The following LCMT1 variants were observed in gnomAD, a reference collection of about 807,000 sequenced individuals.
LCMT1 encodes the protein leucine carboxyl methyltransferase 1, also known as [Phosphatase 2A protein]-leucine-carboxy methyltransferase 1.
LCMT1 carries 32 observed loss-of-function variants against 47.7 expected under a neutral mutation model. That is an observed-to-expected ratio of 0.67 (90% CI 0.51 to 0.90). LCMT1 has a LOEUF of 0.90. LCMT1 is among the 40% of genes least tolerant of loss of function. The pLI is 0.00. For missense variants in LCMT1, 375 were observed against 415.2 expected, an observed-to-expected ratio of 0.90 and a Z score of 0.84; for synonymous variants, 152 against 149.7, an observed-to-expected ratio of 1.02 and a Z score of -0.11.
intron 5 of LCMT1, among the ~76,000 whole-genome samples, chr16:25,155,424 A>G (rs1212166299): frequency 1.3e-5 from 2 of 151,974 alleles, no homozygotes; most frequent in African/African-American, 4.8e-5. Context: ...GTGCACGCCT[A>G]TAGTCCTAGC....
At position 25,119,988 on chromosome 16, in the gene LCMT1, G is replaced by A. The variant is rs139510419; in HGVS notation, c.113+7992G>A. Among the ~76,000 whole-genome samples the A allele has an allele frequency of 3.6e-4, 55 of 151,702 alleles. 1 individual carries two copies. The East Asian group carries it at 8.9e-3, about 25-fold the overall frequency. ...ATCCTGGCTAACACGGTGAAATCCC[G>A]TCTCTACTAAAAATACAAAAAACTA... is the stretch of plus-strand genomic sequence containing the variant. On this transcript the variant is annotated intron_variant, in intron 1 of 10. Coordinates refer to ENST00000399069, the MANE Select transcript of LCMT1 (RefSeq NM_016309.3).
chr16:25,168,216 T>G (rs941117734), intron 7 of LCMT1, among the ~76,000 whole-genome samples: 3 of 151,398 alleles, frequency 2.0e-5, no homozygotes, highest in African/African-American at 7.3e-5. Context: ...GCCTGGCTGA[T>G]TTTTGTATTT....
At chr16:25,135,284 A>AAAATAT (rs1555482753) in intron 3 of LCMT1, among the ~76,000 whole-genome samples, 1 of 140,610 alleles carries the variant, frequency 7.1e-6, no homozygotes, top group African/African-American at 2.5e-5. Flanking sequence ...TTTCTTTTAA[A>AAAATAT]ATATATATCT....
chr16:25,113,089 C>T lies in LCMT1; in HGVS notation c.113+1093C>T, dbSNP rs1205274305. Among the ~76,000 whole-genome samples, 3 of 125,124 alleles carry T rather than the reference C, an allele frequency of 2.4e-5. No individual in the cohort carries two copies. In the South Asian group the frequency reaches 7.8e-4, roughly 33 times the overall value. 82.1% of individuals were successfully genotyped at this position (125,124 alleles called of 152,430 possible). On this transcript the variant is annotated intron_variant, in intron 1 of 10. Transcript: ENST00000399069. ...CCGGGAGGCAGAGGTTGCAGTGAGC[C>T]AAGATCACGCTATTGCACTCCAACC... is the stretch of plus-strand genomic sequence containing the variant.
chr16:25,132,317 G>C, intron 2 of LCMT1, 85 bp from the exon 3 acceptor site: 2 of 1,509,070 alleles, frequency 1.3e-6, no homozygotes, highest in Non-Finnish European at 1.8e-6. Context: ...TCTCTGTTTT[G>C]CTCTTCTCCT....
At chr16:25,138,936 CT>C (rs1044425732) in intron 3 of LCMT1, among the ~76,000 whole-genome samples, 26 of 147,852 alleles carry the variant, frequency 1.8e-4, no homozygotes, top group Admixed American at 3.4e-4. Context: ...TTTCTCTTTT[CT>C]TTTTTTTTTT....
intron 10 of LCMT1, among the ~76,000 whole-genome samples, chr16:25,177,235 T>A (rs2141725545): frequency 6.6e-6 from 1 of 152,270 alleles, no homozygotes; most frequent in South Asian, 2.1e-4. Flanking sequence ...TCCTCTTAAT[T>A]ATATTAAAAA....
intron 1 of LCMT1, among the ~76,000 whole-genome samples, chr16:25,117,074 G>T (rs923821820): frequency 1.3e-5 from 2 of 152,112 alleles, no homozygotes; most frequent in Admixed American, 6.5e-5. Flanking sequence ...AGGTCCCAAG[G>T]AGTATGGGTT....
At chr16:25,144,732 T>G (rs1960798226) in intron 4 of LCMT1, 1 of 152,174 alleles carries the variant, frequency 6.6e-6, no homozygotes, top group South Asian at 2.1e-4. Context: ...GATGCTTCAC[T>G]AAACAGCAGG....
At chr16:25,134,032 TAAAAAAA>T (rs781659291) in intron 3 of LCMT1, among the ~76,000 whole-genome samples, 1 of 126,190 alleles carries the variant, frequency 7.9e-6, no homozygotes, top group Admixed American at 8.1e-5. Context: ...CTTCGTCTCT[TAAAAAAA>T]AAAAAAAAAA....
intron 4 of LCMT1, chr16:25,146,183 A>G (rs1275204819): frequency 6.6e-6 from 1 of 152,258 alleles, no homozygotes; most frequent in Admixed American, 6.5e-5. Context: ...ATTGGAGAGG[A>G]GGCAAATAGG....
chr16:25,153,710 T>C (rs1385075092), intron 5 of LCMT1, among the ~76,000 whole-genome samples: 1 of 152,108 alleles, frequency 6.6e-6, no homozygotes, highest in Non-Finnish European at 1.5e-5. Flanking sequence ...CCCAGCATTT[T>C]GGGAGGCCGA....
At chr16:25,126,433 C>T (rs1200007976) in intron 1 of LCMT1, among the ~76,000 whole-genome samples, 1 of 152,298 alleles carries the variant, frequency 6.6e-6, no homozygotes, top group Non-Finnish European at 1.5e-5. Flanking sequence ...GCCTTTTGGA[C>T]ACCTGACTCT....
At chr16:25,165,025 G>T (rs964986888) in intron 7 of LCMT1, among the ~76,000 whole-genome samples, 15 of 152,196 alleles carry the variant, frequency 9.9e-5, no homozygotes, top group Non-Finnish European at 1.9e-4. Flanking sequence ...GCATTTTGGG[G>T]TAGCAACTCA....
At chr16:25,113,779 G>A (rs1030332375) in intron 1 of LCMT1, among the ~76,000 whole-genome samples, 1 of 152,130 alleles carries the variant, frequency 6.6e-6, no homozygotes, top group Non-Finnish European at 1.5e-5. Flanking sequence ...GGGATCACAG[G>A]CACACACCAC....
At chr16:25,120,922 ATT>A (rs56817833) in intron 1 of LCMT1, among the ~76,000 whole-genome samples, 3 of 97,390 alleles carry the variant, frequency 3.1e-5, no homozygotes, top group Non-Finnish European at 4.2e-5. Flanking sequence ...CTGATTTTGT[ATT>A]TTTTTTTTTT....
At chr16:25,167,181 C>T (rs984010914) in intron 7 of LCMT1, among the ~76,000 whole-genome samples, 1 of 152,206 alleles carries the variant, frequency 6.6e-6, no homozygotes, top group African/African-American at 2.4e-5. Flanking sequence ...TCTGCTCCCA[C>T]CCACCACCCT....
chr16:25,140,807 TA>T (rs1960663571), intron 4 of LCMT1: 1 of 153,442 alleles, frequency 6.5e-6, no homozygotes, highest in Non-Finnish European at 1.5e-5. Context: ...TGAGGTGGGA[TA>T]CTCCATAACC....
At chr16:25,174,018 TCTC>T (rs1195336517) in intron 9 of LCMT1, among the ~76,000 whole-genome samples, 1 of 152,170 alleles carries the variant, frequency 6.6e-6, no homozygotes, top group East Asian at 1.9e-4. Flanking sequence ...TTCAAGCAAT[TCTC>T]CTGCCTCAGC....
Sources: gnomAD v4.1 joint callset for allele counts (sites outside exome capture counted in the v4.1 genomes callset) on GRCh38, gnomAD v4.1.1 for gene constraint, MANE v1.5 for transcripts, NCBI Gene and HGNC (gene_info 2026-07-23, HGNC 2026-07-21) for gene names.